MPRIP: variants seen among roughly 807,000 people sequenced by gnomAD.
The protein encoded by MPRIP is myosin phosphatase Rho interacting protein, also known as myosin phosphatase Rho-interacting protein.
In MPRIP, 59 loss-of-function variants were observed where a neutral mutation model predicts 234.9. That is an observed-to-expected ratio of 0.25 (90% confidence interval 0.20 to 0.31). The LOEUF is 0.31. Among genes scored for constraint, MPRIP ranks in the 10% least tolerant of loss-of-function variants. The pLI, the probability that MPRIP is intolerant of heterozygous loss-of-function variation, is 1.00. For synonymous variants in MPRIP, 1,144 were observed against 1,263.9 expected (o/e 0.91, Z 2.01); for missense variants, 2,436 against 3,071.0 (o/e 0.79, Z 4.89).
intron 20 of MPRIP, 136 bp downstream of exon 20, chr17:17,175,548 T>A: frequency 3.3e-6 from 4 of 1,220,274 alleles, no homozygotes; most frequent in Non-Finnish European, 4.4e-6. Flanking sequence ...TCCAGGAAGA[T>A]CCAAATCACC....
intron 16 of MPRIP, among the ~76,000 whole-genome samples, chr17:17,170,527 G>T (rs750747814): frequency 1.8e-4 from 28 of 152,334 alleles, no homozygotes; most frequent in Middle Eastern, 3.4e-3. Flanking sequence ...CTCAGAGTTG[G>T]CCATCACCAA....
At chr17:17,081,258 C>T (rs974384494) in intron 3 of MPRIP, among the ~76,000 whole-genome samples, 1 of 152,096 alleles carries the variant, frequency 6.6e-6, no homozygotes, top group African/African-American at 2.4e-5. Context: ...TGTTGTTGGG[C>T]CCGTGATAAT....
At chr17:17,099,265 C>T (rs571510869) in intron 3 of MPRIP, among the ~76,000 whole-genome samples, 5 of 152,206 alleles carry the variant, frequency 3.3e-5, no homozygotes, top group Non-Finnish European at 7.3e-5. Context: ...CCAACCAGTC[C>T]TGCAGCCTTG....
chr17:17,068,502 G>C (rs1311881200), intron 1 of MPRIP, among the ~76,000 whole-genome samples: 2 of 150,996 alleles, frequency 1.3e-5, no homozygotes, highest in Non-Finnish European at 3.0e-5. Context: ...TTGTTTCACT[G>C]ATTTTTTCAT....
chr17:17,134,144 T>C (rs1264081861), intron 5 of MPRIP, among the ~76,000 whole-genome samples: 1 of 152,240 alleles, frequency 6.6e-6, no homozygotes, highest in East Asian at 1.9e-4. Flanking sequence ...GGATGTCTAC[T>C]GTCACCCCCA....
rs1212045357 is a variant in MPRIP at position 17,165,851 on chromosome 17, C to T, written c.4260C>T (p.His1420=). ...GTGAGGCACTGCTCGCACTGCACCA[C>T]CAGTGGGCGGGCACCGAGGCCCAGC... The part of the protein sequence containing the change: ...QSREALLALH[H]QWAGTEAQLR... Residue 1420 remains histidine (H), a synonymous_variant, in exon 16 of 24, where the codon CAC becomes CAT. Coordinates refer to ENST00000651222, the MANE Select transcript of MPRIP (RefSeq NM_001364716.4). The T allele has an allele frequency of 3.1e-6, 4 of 1,304,248 alleles. No homozygotes were observed. Among genetic ancestry groups the T allele is most frequent in the Non-Finnish European group, 4.0e-6 (4 of 988,962 alleles). 80.8% of individuals were successfully genotyped at this position (1,304,248 alleles called of 1,614,324 possible).
intron 3 of MPRIP, among the ~76,000 whole-genome samples, chr17:17,099,780 C>T (rs553008814): frequency 1.2e-4 from 18 of 152,122 alleles, no homozygotes; most frequent in Non-Finnish European, 2.4e-4. Flanking sequence ...TGGATTTGAT[C>T]TCAAGTCAAG....
intron 23 of MPRIP, 151 bp from the exon 24 acceptor site, chr17:17,184,672 G>A: frequency 1.8e-6 from 1 of 541,438 alleles, no homozygotes; most frequent in Non-Finnish European, 3.5e-6. Flanking sequence ...ATTTCCCGGG[G>A]ACTCTCCTCC....
chr17:17,056,318 G>A (rs953408973), intron 1 of MPRIP, among the ~76,000 whole-genome samples: 7 of 152,242 alleles, frequency 4.6e-5, no homozygotes, highest in African/African-American at 1.4e-4. Context: ...GCATTCTCCA[G>A]CCCTCTTCCC....
chr17:17,089,471 A>AT (rs1032844000), intron 3 of MPRIP, among the ~76,000 whole-genome samples: 18 of 151,374 alleles, frequency 1.2e-4, no homozygotes, highest in African/African-American at 4.4e-4. Flanking sequence ...TTTTTCTTTC[A>AT]TTTTTTATTT....
chr17:17,105,692 A>G (rs767476119), intron 3 of MPRIP, among the ~76,000 whole-genome samples: 6 of 152,174 alleles, frequency 3.9e-5, no homozygotes, highest in Non-Finnish European at 7.4e-5. Flanking sequence ...CTTTTCAGTG[A>G]GGGCTGTTCC....
rs2046486447 is a variant in MPRIP, at chr17:17,186,888, T to C, written c.*1994T>C. 6.6e-6 allele frequency: 1 copy of C among 152,270 alleles called. No homozygotes were observed. Among genetic ancestry groups the C allele is most frequent in the South Asian group, 2.1e-4 (1 of 4,832 alleles). The allele number at this position is 152,270 out of a possible 1,614,324, so 9.4% of individuals were successfully genotyped here. A position where few individuals can be genotyped will look rare whatever the true frequency, so the allele number is the denominator to read the frequency against. ...CCAGGACACTGCTGGGTCACACGAA[T>C]GCTCCAGGACAGACAGGGACCTGGA... is the stretch of plus-strand genomic sequence containing the variant. On this transcript the variant is annotated 3_prime_UTR_variant, in exon 24 of 24. Transcript: ENST00000651222.
At chr17:17,047,975 G>A (rs2088408705) in intron 1 of MPRIP, among the ~76,000 whole-genome samples, 1 of 152,122 alleles carries the variant, frequency 6.6e-6, no homozygotes, top group Non-Finnish European at 1.5e-5. Context: ...GTGAATCAGA[G>A]GGGTGGGCAT....
In MPRIP at chr17:17,171,868, TG is replaced by T; in HGVS notation, c.6472+9del. 8 of 1,535,276 alleles carry T rather than the reference TG, an allele frequency of 5.2e-6. No homozygotes were observed. The highest frequency in any genetic ancestry group is 2.5e-5 in the East Asian group (1 of 39,648). On this transcript the variant is annotated splice_donor_region_variant and intron_variant, in intron 17 of 23. Transcript: ENST00000651222. The stretch of plus-strand genomic sequence containing the variant: ...GGAGACAGCGGCCACCATCTCAGGT[TG>T]GGGGGTGGGGTAACCCTGAGGGCAG...
chr17:17,160,935 G>A (rs2045849312), intron 14 of MPRIP, among the ~76,000 whole-genome samples: 1 of 152,222 alleles, frequency 6.6e-6, no homozygotes, highest in Non-Finnish European at 1.5e-5. Context: ...TATATAGGGC[G>A]TGCATGTTGG....
Position 17,042,693 on chromosome 17 carries a change from T to A in MPRIP, c.-156T>A. ...CGGGCGGCTCAGGAGCCTCGGCGCG[T>A]GCAGCGAACCGCCCGCCGGGAAGGA... On this transcript the variant is annotated 5_prime_UTR_variant, in exon 1 of 24. Coordinates refer to ENST00000651222, the MANE Select transcript of MPRIP (RefSeq NM_001364716.4). 1.2e-6 allele frequency: 1 copy of A among 813,630 alleles called. No homozygotes were observed. The highest frequency in any genetic ancestry group is 5.5e-5 in the South Asian group (1 of 18,172). 50.4% of individuals were successfully genotyped at this position (813,630 alleles called of 1,614,324 possible). A position where few individuals can be genotyped will look rare whatever the true frequency, so the allele number is the denominator to read the frequency against.
At chr17:17,114,744 C>T (rs1162874877) in intron 3 of MPRIP, among the ~76,000 whole-genome samples, 3 of 150,986 alleles carry the variant, frequency 2.0e-5, no homozygotes, top group Non-Finnish European at 3.0e-5. Flanking sequence ...GGAAGGTGGG[C>T]CTTAACTGGG....
intron 1 of MPRIP, among the ~76,000 whole-genome samples, chr17:17,054,174 G>A (rs1437974255): frequency 6.6e-6 from 1 of 152,194 alleles, no homozygotes; most frequent in Non-Finnish European, 1.5e-5. Context: ...ATCTATACAA[G>A]TTTTGGTGAG....
At chr17:17,134,989 A>C (rs2090666504) in intron 5 of MPRIP, among the ~76,000 whole-genome samples, 1 of 152,284 alleles carries the variant, frequency 6.6e-6, no homozygotes. Context: ...TTTTCTAAAA[A>C]TGAGGCTTGG....
Sources: gnomAD v4.1 joint callset for allele counts (sites outside exome capture counted in the v4.1 genomes callset) on GRCh38, gnomAD v4.1.1 for gene constraint, MANE v1.5 for transcripts, NCBI Gene and HGNC (gene_info 2026-07-23, HGNC 2026-07-21) for gene names.